Variants in LIMD1 observed in about 807,000 individuals in gnomAD.
LIMD1 encodes the protein LIM domain containing 1, also known as LIM domain-containing protein 1.
A neutral mutation model predicts 58.4 loss-of-function variants in LIMD1; 23 were observed. The observed-to-expected ratio is 0.39, with a 90% CI of 0.28 to 0.56. The LOEUF (loss-of-function observed/expected upper bound fraction) is 0.56, where lower values mean the gene tolerates loss of function less well. Ranked by LOEUF, LIMD1 falls within the 20% of genes least tolerant of loss-of-function variation. The pLI is 0.57. For missense variants in LIMD1, 838 were observed against 855.5 expected (o/e 0.98, Z 0.25); for synonymous variants, 334 against 345.5 (o/e 0.97, Z 0.37).
intron 2 of LIMD1, among the ~76,000 whole-genome samples, chr3:45,657,933 G>A (rs1050802424): frequency 2.0e-5 from 3 of 152,168 alleles, no homozygotes; most frequent in Middle Eastern, 3.4e-3. Context: ...CCCTTTCTAC[G>A]CTCACTGAAA....
intron 4 of LIMD1, among the ~76,000 whole-genome samples, chr3:45,668,755 A>G (rs951512240): frequency 6.7e-6 from 1 of 148,848 alleles, no homozygotes; most frequent in Non-Finnish European, 1.5e-5. Flanking sequence ...TCCACCTCAA[A>G]AAAAAAAAAA....
At chr3:45,646,779 T>C (rs942329675) in intron 2 of LIMD1, among the ~76,000 whole-genome samples, 2 of 151,546 alleles carry the variant, frequency 1.3e-5, no homozygotes, top group Non-Finnish European at 2.9e-5. Context: ...CTCTGCCTCA[T>C]GGGCTAAAGT....
intron 2 of LIMD1, among the ~76,000 whole-genome samples, chr3:45,646,669 G>A (rs1243057697): frequency 4.6e-5 from 7 of 150,946 alleles, no homozygotes; most frequent in Non-Finnish European, 1.0e-4. Context: ...TGGACTGCAT[G>A]TAAAGCCTCT....
chr3:45,607,603 A>G (rs942292376), intron 1 of LIMD1, among the ~76,000 whole-genome samples: 1 of 152,026 alleles, frequency 6.6e-6, no homozygotes, highest in Non-Finnish European at 1.5e-5. Flanking sequence ...GGGAGTTTGC[A>G]TTTAGCATGG....
Position 45,677,181 on chromosome 3 carries a change from G to A in LIMD1, c.*122G>A. Reference sequence around the variant, plus strand: ...AGGAGGGGCAGGAGGGAGAGTTCCTGTGAGCATGTGGGGGGTGCCTTTCCT... The same window carrying A: ...AGGAGGGGCAGGAGGGAGAGTTCCTATGAGCATGTGGGGGGTGCCTTTCCT... On this transcript the variant is annotated 3_prime_UTR_variant, in exon 8 of 8. Coordinates refer to ENST00000273317, the MANE Select transcript of LIMD1 (RefSeq NM_014240.3). 1 of 1,112,102 alleles carries A rather than the reference G, an allele frequency of 9.0e-7. No homozygotes were observed. The highest frequency in any genetic ancestry group is 1.3e-6 in the Non-Finnish European group (1 of 770,940). The allele number at this position is 1,112,102 out of a possible 1,614,324, so 68.9% of individuals were successfully genotyped here.
rs989548401 is a variant in LIMD1, at chr3:45,683,205, T to C, written c.*6146T>C. ...CTCTTTTACCTTGCAGAATAAGATA[T>C]TCACAGGTTCTGGTGAGGAGGACAG... On this transcript the variant is annotated 3_prime_UTR_variant, in exon 8 of 8. Transcript: ENST00000273317. 2.0e-5 allele frequency: 3 copies of C among 152,240 alleles called. No individual in the cohort carries two copies. The highest frequency in any genetic ancestry group is 7.2e-5 in the African/African-American group (3 of 41,446). 9.4% of individuals were successfully genotyped at this position (152,240 alleles called of 1,614,324 possible). A position where few individuals can be genotyped will look rare whatever the true frequency, so the allele number is the denominator to read the frequency against.
At chr3:45,674,269 C>A in intron 6 of LIMD1, 74 bp from the exon 7 acceptor site, 1 of 1,171,270 alleles carries the variant, frequency 8.5e-7, no homozygotes, top group Non-Finnish European at 1.3e-6. Context: ...TCCCTCCCCA[C>A]CCCACGGTAC....
intron 1 of LIMD1, among the ~76,000 whole-genome samples, chr3:45,629,137 G>A (rs1007328872): frequency 6.6e-5 from 10 of 152,068 alleles, no homozygotes; most frequent in Admixed American, 2.0e-4. Flanking sequence ...CACGGGGCTG[G>A]GCACGGTGGT....
intron 3 of LIMD1, among the ~76,000 whole-genome samples, chr3:45,666,167 ACCCCTCACGTACCAG>A (rs1324802092): frequency 6.6e-6 from 1 of 151,980 alleles, no homozygotes; most frequent in Non-Finnish European, 1.5e-5. Context: ...CTGTGTCCCA[ACCCCTCACGTACCAG>A]CCCCTCACCA....
intron 1 of LIMD1, among the ~76,000 whole-genome samples, chr3:45,625,203 A>G (rs1192994504): frequency 1.3e-5 from 2 of 152,142 alleles, no homozygotes; most frequent in Non-Finnish European, 2.9e-5. Flanking sequence ...TTGAGGTTCC[A>G]TTGATACTTT....
At chr3:45,670,383 C>A (rs1295139613) in intron 4 of LIMD1, among the ~76,000 whole-genome samples, 2 of 151,208 alleles carry the variant, frequency 1.3e-5, no homozygotes, top group Non-Finnish European at 3.0e-5. Flanking sequence ...ATAGTGATTT[C>A]TTATTTATCA....
At chr3:45,674,504 A>G in intron 7 of LIMD1, 93 bp downstream of exon 7, 1 of 981,380 alleles carries the variant, frequency 1.0e-6, no homozygotes, top group East Asian at 2.5e-5. Context: ...AGTCAACAAG[A>G]TTCTGGCAAG....
chr3:45,634,074 T>G (rs1701762294), intron 1 of LIMD1, among the ~76,000 whole-genome samples: 2 of 152,148 alleles, frequency 1.3e-5, no homozygotes, highest in African/African-American at 4.8e-5. Flanking sequence ...TTTCAAAAAT[T>G]TTAACATTAT....
chr3:45,616,653 G>T (rs1701578896), intron 1 of LIMD1, among the ~76,000 whole-genome samples: 1 of 152,018 alleles, frequency 6.6e-6, no homozygotes, highest in South Asian at 2.1e-4. Context: ...AGTTGTTCAG[G>T]CCCCTCCCTG....
At chr3:45,617,894 C>A (rs541484078) in intron 1 of LIMD1, among the ~76,000 whole-genome samples, 1 of 152,216 alleles carries the variant, frequency 6.6e-6, no homozygotes, top group African/African-American at 2.4e-5. Flanking sequence ...CACTTTGCCT[C>A]TTTTCCTTCT....
At position 45,595,024 on chromosome 3, in the gene LIMD1, G is replaced by A. The variant is rs769617151; in HGVS notation, c.145G>A (p.Ala49Thr). ...GTTTGAGGAAACTCGCAGGGTGTTC[G>A]CCACCAAGATGGCCAAAATCCACCT... Reference protein sequence around the residue: ...PEFEETRRVFATKMAKIHLQQ... With the variant: ...PEFEETRRVFTTKMAKIHLQQ... Residue 49 changes from alanine (A) to threonine (T), a missense_variant, in exon 1 of 8, where the codon GCC becomes ACC. Around this residue, in one of 3 missense-constraint regions of LIMD1, gnomAD observed 659 missense variants for 639.8 expected, o/e 1.03. Transcript: ENST00000273317. 19 of 1,613,802 alleles carry A rather than the reference G, an allele frequency of 1.2e-5. No homozygotes were observed. Among genetic ancestry groups the A allele is most frequent in the Admixed American group, 1.7e-5 (1 of 59,996 alleles).
At chr3:45,606,522 G>T (rs1460226906) in intron 1 of LIMD1, among the ~76,000 whole-genome samples, 1 of 152,126 alleles carries the variant, frequency 6.6e-6, no homozygotes, top group South Asian at 2.1e-4. Context: ...CTGTCCAGGA[G>T]CCTGTGCCTG....
At chr3:45,630,688 T>G in intron 1 of LIMD1, among the ~76,000 whole-genome samples, 2 of 147,942 alleles carry the variant, frequency 1.4e-5, no homozygotes, top group South Asian at 2.2e-4. Flanking sequence ...TGTTATGGGG[T>G]GAGGAAGGAG....
chr3:45,596,034 C>T lies in LIMD1; in HGVS notation c.1155C>T (p.Pro385=), dbSNP rs778834586. 1 of 1,614,254 alleles carries T rather than the reference C, an allele frequency of 6.2e-7. No homozygotes were observed. Among genetic ancestry groups the T allele is most frequent in the Non-Finnish European group, 8.5e-7 (1 of 1,180,042 alleles). Residue 385 remains proline (P), a synonymous_variant, in exon 1 of 8, where the codon CCC becomes CCT. Coordinates refer to ENST00000273317, the MANE Select transcript of LIMD1 (RefSeq NM_014240.3). ...TTGGCACTGGTCCCAAGCTCAGCCC[C>T]ACCAGTCTTGTCCATCCAGTGATGT... ...TDLGTGPKLS[P]TSLVHPVMST... is the part of the protein sequence containing the mutation.
Sources: allele counts gnomAD v4.1 joint callset (sites outside exome capture counted in the v4.1 genomes callset), GRCh38; gene constraint gnomAD v4.1.1; regional missense constraint gnomAD v4.1.1; transcripts MANE v1.5; gene names NCBI Gene and HGNC (gene_info 2026-07-23, HGNC 2026-07-21).